The following R3HDM1 variants were observed in gnomAD, a reference collection of about 807,000 sequenced individuals.
R3HDM1 encodes R3H domain containing 1, also known as R3H domain-containing protein 1.
In R3HDM1, 46 loss-of-function variants were observed where a neutral mutation model predicts 141.1. That is an observed-to-expected ratio of 0.33 (90% CI 0.26 to 0.42). The LOEUF (loss-of-function observed/expected upper bound fraction) is 0.42. R3HDM1 is among the 10% of genes least tolerant of loss of function. R3HDM1 has a pLI of 1.00. For synonymous variants in R3HDM1, 435 were observed against 472.9 expected, an observed-to-expected ratio of 0.92 and a Z score of 1.04; for missense variants, 1,184 against 1,368.3, an observed-to-expected ratio of 0.87 and a Z score of 2.12.
intron 21 of R3HDM1, among the ~76,000 whole-genome samples, chr2:135,707,289 AAG>A (rs2105430005): frequency 6.6e-6 from 1 of 152,322 alleles, no homozygotes; most frequent in Admixed American, 6.5e-5. Flanking sequence ...TGTATTTTTA[AAG>A]AGAGAGTGTA....
At chr2:135,546,612 A>G (rs1344171762) in intron 1 of R3HDM1, among the ~76,000 whole-genome samples, 1 of 152,222 alleles carries the variant, frequency 6.6e-6, no homozygotes, top group African/African-American at 2.4e-5. Context: ...CCCAAAGCAC[A>G]TGAGATGTTA....
At chr2:135,581,271 C>G in intron 1 of R3HDM1, 3 of 985,364 alleles carry the variant, frequency 3.0e-6, no homozygotes, top group Non-Finnish European at 3.6e-6. Flanking sequence ...CATTGTCTGT[C>G]CTGTTTCCCT....
intron 1 of R3HDM1, among the ~76,000 whole-genome samples, chr2:135,548,705 T>C (rs1699250478): frequency 6.6e-6 from 1 of 152,178 alleles, no homozygotes; most frequent in African/African-American, 2.4e-5. Context: ...GCTTCTTCCA[T>C]TCAACATGTT....
intron 21 of R3HDM1, among the ~76,000 whole-genome samples, chr2:135,699,434 A>C (rs1170459830): frequency 6.6e-6 from 1 of 152,162 alleles, no homozygotes; most frequent in African/African-American, 2.4e-5. Context: ...GGAGGGTGAG[A>C]GCCACCACAA....
Position 135,576,368 on chromosome 2 carries a change from C to CA in R3HDM1, c.-249-26122dup, listed in dbSNP as rs531555992. Among the ~76,000 whole-genome samples the CA allele has an allele frequency of 4.6e-3, 636 of 138,166 alleles. 2 individuals are homozygous for CA. Among genetic ancestry groups the CA allele is most frequent in the Middle Eastern group, 7.5e-3 (2 of 268 alleles). 90.6% of individuals were successfully genotyped at this position (138,166 alleles called of 152,430 possible). Reference sequence around the variant, plus strand: ...TGGGTGAAGGAGTGAGACCCTGTCGCAAAAAAAAAATAAAAAAAAGTGTTA... The same window carrying CA: ...TGGGTGAAGGAGTGAGACCCTGTCGCAAAAAAAAAAATAAAAAAAAGTGTTA... On this transcript the variant is annotated intron_variant, in intron 1 of 26. Coordinates refer to ENST00000683871, the MANE Select transcript of R3HDM1 (RefSeq NM_001378107.1).
intron 21 of R3HDM1, among the ~76,000 whole-genome samples, chr2:135,681,109 C>T (rs950908187): frequency 2.0e-5 from 3 of 152,176 alleles, no homozygotes; most frequent in African/African-American, 4.8e-5. Context: ...ATTCCATCAA[C>T]AGAAATGTCT....
At chr2:135,558,203 C>T (rs1701139492) in intron 1 of R3HDM1, among the ~76,000 whole-genome samples, 1 of 152,188 alleles carries the variant, frequency 6.6e-6, no homozygotes, top group African/African-American at 2.4e-5. Flanking sequence ...GGAATTGTTT[C>T]GTATCTGCAC....
chr2:135,551,738 G>A (rs72988418), intron 1 of R3HDM1, among the ~76,000 whole-genome samples: 6,752 of 152,152 alleles, frequency 0.044, 504 homozygotes, highest in African/African-American at 0.16. Flanking sequence ...GTTTGAGATC[G>A]GGGGGTGTAT....
At chr2:135,626,978 C>A (rs2062113311) in intron 7 of R3HDM1, among the ~76,000 whole-genome samples, 1 of 152,050 alleles carries the variant, frequency 6.6e-6, no homozygotes, top group Non-Finnish European at 1.5e-5. Flanking sequence ...CATATTGTAG[C>A]ATGTACCTTT....
chr2:135,551,661 G>T (rs1267678427), intron 1 of R3HDM1, among the ~76,000 whole-genome samples: 2 of 152,216 alleles, frequency 1.3e-5, no homozygotes, highest in Non-Finnish European at 2.9e-5. Flanking sequence ...ATAATTTATA[G>T]TTTTGTCGTT....
chr2:135,722,064 G>A lies in R3HDM1; in HGVS notation c.2964+58G>A, dbSNP rs368248113. The A allele has an allele frequency of 7.0e-4, 1,069 of 1,530,214 alleles. No homozygotes were observed. Among genetic ancestry groups the A allele is most frequent in the Non-Finnish European group, 8.1e-4 (895 of 1,106,002 alleles). The allele number at this position is 1,530,214 out of a possible 1,614,324, so 94.8% of individuals were successfully genotyped here. A position where few individuals can be genotyped will look rare whatever the true frequency, so the allele number is the denominator to read the frequency against. ...TGCAGAACATCATAGCTCCCTCAGA[G>A]TGTAAGGGGCAACCCTGAGCCCACC... On this transcript the variant is annotated intron_variant, in intron 25 of 26. Transcript: ENST00000683871.
Position 135,532,082 on chromosome 2 carries a change from G to A in R3HDM1, c.-250+449G>A, listed in dbSNP as rs552418623. On this transcript the variant is annotated intron_variant, in intron 1 of 26. Coordinates refer to ENST00000683871, the MANE Select transcript of R3HDM1 (RefSeq NM_001378107.1). ...CAGCCACAGCAGGCCTGCCAAGAGC[G>A]TGGTACTGCTCTCTCGTGTGGCTGG... Among the ~76,000 whole-genome samples, 448 of 152,334 alleles carry A rather than the reference G, an allele frequency of 2.9e-3. 2 individuals are homozygous for A. Among genetic ancestry groups the A allele is most frequent in the African/African-American group, 0.01 (424 of 41,584 alleles).
chr2:135,657,144 T>G (rs762830025), intron 18 of R3HDM1, among the ~76,000 whole-genome samples: 2 of 151,652 alleles, frequency 1.3e-5, no homozygotes, highest in Non-Finnish European at 1.5e-5. Flanking sequence ...GGCTCAAGCT[T>G]GTAATCCTAG....
chr2:135,544,021 C>T (rs2104904973), intron 1 of R3HDM1, among the ~76,000 whole-genome samples: 2 of 152,316 alleles, frequency 1.3e-5, no homozygotes, highest in South Asian at 4.1e-4. Context: ...GTTACTTAGC[C>T]TCTCAGTCTG....
chr2:135,572,711 A>G, intron 1 of R3HDM1, among the ~76,000 whole-genome samples: 1 of 151,740 alleles, frequency 6.6e-6, no homozygotes, highest in Non-Finnish European at 1.5e-5. Flanking sequence ...TAATACATGA[A>G]TGTTCATAGC....
intron 7 of R3HDM1, among the ~76,000 whole-genome samples, chr2:135,623,572 T>C (rs1223752499): frequency 6.6e-6 from 1 of 152,180 alleles, no homozygotes; most frequent in Non-Finnish European, 1.5e-5. Context: ...ATTACCAAAA[T>C]GAAGTGGTCT....
At chr2:135,556,651 T>C (rs1700824894) in intron 1 of R3HDM1, among the ~76,000 whole-genome samples, 1 of 151,952 alleles carries the variant, frequency 6.6e-6, no homozygotes, top group African/African-American at 2.4e-5. Flanking sequence ...CACGAGTAGC[T>C]GGGACTACAA....
At chr2:135,614,122 A>G (rs1393571654) in intron 3 of R3HDM1, among the ~76,000 whole-genome samples, 3 of 152,166 alleles carry the variant, frequency 2.0e-5, no homozygotes, top group Non-Finnish European at 2.9e-5. Flanking sequence ...AACCTAAAAC[A>G]TGTTTGTTAA....
intron 21 of R3HDM1, among the ~76,000 whole-genome samples, chr2:135,683,765 G>A (rs905929535): frequency 6.6e-6 from 1 of 151,988 alleles, no homozygotes; most frequent in South Asian, 2.1e-4. Context: ...TTATTAATCA[G>A]ATAGTTGAAT....
Sources: gnomAD v4.1 joint callset for allele counts (sites outside exome capture counted in the v4.1 genomes callset) on GRCh38, gnomAD v4.1.1 for gene constraint, MANE v1.5 for transcripts, NCBI Gene and HGNC (gene_info 2026-07-23, HGNC 2026-07-21) for gene names.